NBPF11: variants seen among roughly 807,000 people sequenced by gnomAD.
NBPF11 encodes NBPF member 11.
Under a neutral mutation model 93.9 loss-of-function variants are expected in NBPF11, and 72 were observed. The ratio of observed to expected loss-of-function variants is 0.77; its 90% CI spans 0.63 to 0.93. The LOEUF (loss-of-function observed/expected upper bound fraction) is 0.93, where lower values mean the gene tolerates loss of function less well. NBPF11 is among the 40% of genes least tolerant of loss of function. The pLI is 0.00. For synonymous variants in NBPF11, 224 were observed against 304.9 expected (o/e 0.73, Z 2.76); for missense variants, 705 against 802.2 (o/e 0.88, Z 1.46).
Position 148,109,329 on chromosome 1 carries a change from C to T in NBPF11, c.1808G>A (p.Arg603Gln), listed in dbSNP as rs199775990. The change falls in exon 17 of 24, where the codon CGG becomes CAG. Residue 603 changes from arginine (R) to glutamine (Q), a missense_variant. By Grantham distance (43) the Arg-to-Gln change is conservative. Coordinates refer to ENST00000682118, the MANE Select transcript of NBPF11 (RefSeq NM_001385469.3). ...VCMAVDIGRH[R>Q]WDQVKKEDQE... ...GTCCTCCTTTTTCACTTGATCCCACCGATGTCCTGCAAATAAATTCAGATG... is the reference window on the plus strand; with the variant it reads ...GTCCTCCTTTTTCACTTGATCCCACTGATGTCCTGCAAATAAATTCAGATG... The T allele has an allele frequency of 8.6e-3, 9,256 of 1,074,100 alleles. 121 individuals carry two copies. In the African/African-American group the frequency reaches 0.13, roughly 15 times the overall value. The allele number at this position is 1,074,100 out of a possible 1,614,324, so 66.5% of individuals were successfully genotyped here. A position where few individuals can be genotyped will look rare whatever the true frequency, so the allele number is the denominator to read the frequency against.
Position 148,103,885 on chromosome 1 carries a change from T to C in NBPF11, c.*11A>G, listed in dbSNP as rs1427988120. 3 of 1,610,984 alleles carry C rather than the reference T, an allele frequency of 1.9e-6. No individual in the cohort carries two copies. Among genetic ancestry groups the C allele is most frequent in the Non-Finnish European group, 1.7e-6 (2 of 1,179,256 alleles). On this transcript the variant is annotated 3_prime_UTR_variant, in exon 24 of 24. Coordinates refer to ENST00000682118, the MANE Select transcript of NBPF11 (RefSeq NM_001385469.3). ...GTGAGTCCTGTAAGACTTCAGGCAC[T>C]TCCACTTCCATCAGCACGCTGCTGA...
rs71227498 is a variant in NBPF11, at chr1:148,110,061, T to G, written c.1801+317A>C. On this transcript the variant is annotated intron_variant, in intron 16 of 23. Coordinates refer to ENST00000682118, the MANE Select transcript of NBPF11 (RefSeq NM_001385469.3). ...GAGACATTTAATTCAGATGAGCTGA[T>G]CTGACAGACAACTCCTGGGCATGTG... Among the ~76,000 whole-genome samples, 302 of 151,328 alleles carry G rather than the reference T, an allele frequency of 2.0e-3. 3 individuals carry two copies. Among genetic ancestry groups the G allele is most frequent in the African/African-American group, 6.8e-3 (280 of 40,938 alleles).
chr1:148,150,368 T>C (rs1255999513), intron 1 of NBPF11, among the ~76,000 whole-genome samples: 6 of 150,752 alleles, frequency 4.0e-5, no homozygotes, highest in African/African-American at 1.5e-4. Flanking sequence ...CCTCCCGAAA[T>C]GCTGGAATTA....
chr1:148,127,231 C>G (rs1167409746), intron 4 of NBPF11, 193 bp from the exon 5 acceptor site: 3 of 257,068 alleles, frequency 1.2e-5, no homozygotes, highest in Non-Finnish European at 2.0e-5. Flanking sequence ...GAGCTGAAAG[C>G]ACTGCTCAGA....
In NBPF11 at chr1:148,108,551, A is replaced by C; in HGVS notation, c.1957T>G (p.Cys653Gly). 1 of 1,603,964 alleles carries C rather than the reference A, an allele frequency of 6.2e-7. No individual in the cohort carries two copies. The highest frequency in any genetic ancestry group is 8.5e-7 in the Non-Finnish European group (1 of 1,173,302). ...PSVYLGLTDS[C>G]QPYRSAFYVL... ...TAAAAGGCACTTCTGTAGGGCTGGC[A>C]TGAGTCAGTCAGTCCAAGATAAACT... Residue 653 changes from cysteine to glycine, a missense_variant, in exon 18 of 24, where the codon TGC (cysteine) becomes GGC (glycine). Cys to Gly is a radical substitution (Grantham distance 159). This residue lies in a region of NBPF11 where 97 missense variants were observed against 65.0 expected (regional missense o/e 1.49). Transcript: ENST00000682118.
chr1:148,148,800 T>C (rs1647416006), intron 1 of NBPF11, among the ~76,000 whole-genome samples: 2 of 151,716 alleles, frequency 1.3e-5, no homozygotes, highest in African/African-American at 2.4e-5. Flanking sequence ...ATTCAGGATG[T>C]GGGGGCCACA....
chr1:148,110,100 T>G lies in NBPF11; in HGVS notation c.1801+278A>C, dbSNP rs1462140862. Among the ~76,000 whole-genome samples, 33 of 151,952 alleles carry G rather than the reference T, an allele frequency of 2.2e-4. 1 individual carries two copies. Among genetic ancestry groups the G allele is most frequent in the Admixed American group, 1.9e-3 (29 of 15,272 alleles). On this transcript the variant is annotated intron_variant, in intron 16 of 23. Coordinates refer to ENST00000682118, the MANE Select transcript of NBPF11 (RefSeq NM_001385469.3). Reference sequence around the variant, plus strand: ...CCTGGGCATGTGCTGCACAGTTTGGTGTGAGTTTGCCACACCTGCCTTGAG... The same window carrying G: ...CCTGGGCATGTGCTGCACAGTTTGGGGTGAGTTTGCCACACCTGCCTTGAG...
chr1:148,146,343 C>T (rs1267181752), intron 1 of NBPF11: 15 of 1,442,422 alleles, frequency 1.0e-5, no homozygotes, highest in Admixed American at 8.5e-5. Flanking sequence ...CCAGGCCGGG[C>T]GGCGTTGTTG....
intron 14 of NBPF11, among the ~76,000 whole-genome samples, chr1:148,115,148 G>A (rs1262815069): frequency 1.2e-5 from 1 of 81,582 alleles, no homozygotes; most frequent in Non-Finnish European, 1.9e-5. Context: ...CTAGGTGACA[G>A]AGCAGGACTC....
rs1412145180 is a variant in NBPF11 at position 148,125,429 on chromosome 1, C to A, written c.176-428G>T. Among the ~76,000 whole-genome samples the A allele has an allele frequency of 1.1e-4, 17 of 152,064 alleles. 1 individual carries two copies. The highest frequency in any genetic ancestry group is 4.1e-4 in the African/African-American group (17 of 41,368). On this transcript the variant is annotated intron_variant, in intron 5 of 23. Transcript: ENST00000682118. The stretch of plus-strand genomic sequence containing the variant: ...ATGGTTTCCCTTTTACTGGGTATTT[C>A]AAGGACAAATATGTCAAGAACTTTA...
At chr1:148,109,395 C>T (rs1174180951) in intron 16 of NBPF11, 60 bp from the exon 17 acceptor site, 10 of 904,328 alleles carry the variant, frequency 1.1e-5, no homozygotes, top group South Asian at 2.6e-5. Context: ...CACACAGAAA[C>T]ATTCCTCTGT....
rs1209647323 is a variant in NBPF11 at position 148,146,272 on chromosome 1, G to C, written c.-548-2586C>G. 9.0e-3 allele frequency: 11,505 copies of C among 1,275,804 alleles called. 75 individuals carry two copies. Among genetic ancestry groups the C allele is most frequent in the Middle Eastern group, 0.021 (69 of 3,352 alleles). The allele number at this position is 1,275,804 out of a possible 1,614,324, so 79.0% of individuals were successfully genotyped here. On this transcript the variant is annotated intron_variant, in intron 1 of 23. Coordinates refer to ENST00000682118, the MANE Select transcript of NBPF11 (RefSeq NM_001385469.3). The stretch of plus-strand genomic sequence containing the variant: ...AACGGGGCTGCTGTCTGGGGCGGTA[G>C]CTGGGGGGGCGCTCTCCCCCCTGCC...
At chr1:148,146,652 C>G (rs1471596387) in intron 1 of NBPF11, 2 of 1,611,552 alleles carry the variant, frequency 1.2e-6, no homozygotes, top group African/African-American at 1.3e-5. Context: ...TGGACACCAT[C>G]GAGGTCTTCC....
At chr1:148,111,174 G>T (rs1198835971) in intron 15 of NBPF11, among the ~76,000 whole-genome samples, 1 of 151,380 alleles carries the variant, frequency 6.6e-6, no homozygotes, top group Non-Finnish European at 1.5e-5. Context: ...ACTGTTAGAA[G>T]GAAAACTAAC....
At chr1:148,140,860 C>A (rs1469703533) in intron 2 of NBPF11, among the ~76,000 whole-genome samples, 1 of 151,468 alleles carries the variant, frequency 6.6e-6, no homozygotes, top group Admixed American at 6.6e-5. Context: ...CACGTAAGTA[C>A]TTACAGCAAT....
intron 1 of NBPF11, among the ~76,000 whole-genome samples, chr1:148,147,932 C>G (rs1673459211): frequency 1.3e-5 from 2 of 152,052 alleles, no homozygotes; most frequent in African/African-American, 4.8e-5. Flanking sequence ...GCCCCTTTGT[C>G]CTGCAGGAAC....
intron 1 of NBPF11, among the ~76,000 whole-genome samples, chr1:148,145,138 A>G (rs1476015184): frequency 6.8e-6 from 1 of 147,766 alleles, no homozygotes; most frequent in East Asian, 1.9e-4. Context: ...TAAAATTGCT[A>G]TAAGGTTAAT....
At position 148,103,864 on chromosome 1, in the gene NBPF11, G is replaced by T. The variant is rs1662868371; in HGVS notation, c.*32C>A. 6.2e-7 allele frequency: 1 copy of T among 1,611,350 alleles called. No individual in the cohort carries two copies. The highest frequency in any genetic ancestry group is 1.7e-5 in the Admixed American group (1 of 60,004). ...GAGTCGAATAATATCTATCCAGTGA[G>T]TCCTGTAAGACTTCAGGCACTTCCA... On this transcript the variant is annotated 3_prime_UTR_variant, in exon 24 of 24. Coordinates refer to ENST00000682118, the MANE Select transcript of NBPF11 (RefSeq NM_001385469.3).
intron 4 of NBPF11, among the ~76,000 whole-genome samples, chr1:148,130,896 T>C (rs1670212072): frequency 2.0e-5 from 3 of 151,960 alleles, no homozygotes. Context: ...CTGTGTTCTT[T>C]TGTGTCTGCC....
Sources: allele counts gnomAD v4.1 joint callset (sites outside exome capture counted in the v4.1 genomes callset), GRCh38; gene constraint gnomAD v4.1.1; regional missense constraint gnomAD v4.1.1; transcripts MANE v1.5; gene names NCBI Gene and HGNC (gene_info 2026-07-23, HGNC 2026-07-21).